Variants in ADGRA3 observed in about 807,000 individuals in gnomAD.
ADGRA3 encodes the protein G-protein coupled receptor 125.
Under a neutral mutation model 119.8 loss-of-function variants are expected in ADGRA3, and 56 were observed. That is an observed-to-expected ratio of 0.47 (90% CI 0.38 to 0.58). ADGRA3 has a LOEUF of 0.58. ADGRA3 is among the 20% of genes least tolerant of loss of function. The pLI, the probability that ADGRA3 is intolerant of heterozygous loss-of-function variation, is 0.00. For missense variants in ADGRA3, 1,516 were observed against 1,649.0 expected, an observed-to-expected ratio of 0.92 and a Z score of 1.40; for synonymous variants, 607 against 623.8, an observed-to-expected ratio of 0.97 and a Z score of 0.40.
At chr4:22,464,803 G>GC (rs1354909838) in intron 2 of ADGRA3, among the ~76,000 whole-genome samples, 1 of 152,214 alleles carries the variant, frequency 6.6e-6, no homozygotes, top group Non-Finnish European at 1.5e-5. Flanking sequence ...CTGGCTCCCA[G>GC]CAGTCCCCAG....
chr4:22,500,507 C>T (rs113908526), intron 1 of ADGRA3, among the ~76,000 whole-genome samples: 17 of 116,844 alleles, frequency 1.5e-4, no homozygotes, highest in African/African-American at 4.2e-4. Context: ...CAACACGGTT[C>T]TGAAAGTCAA....
At chr4:22,515,449 T>C (rs1719617252) in intron 1 of ADGRA3, 79 bp downstream of exon 1, 2 of 1,522,164 alleles carry the variant, frequency 1.3e-6, no homozygotes, top group Non-Finnish European at 1.8e-6. Flanking sequence ...GGGTGCCGGC[T>C]GGACCCTGCT....
chr4:22,438,035 A>G (rs1170504998), intron 8 of ADGRA3, among the ~76,000 whole-genome samples: 1 of 152,188 alleles, frequency 6.6e-6, no homozygotes, highest in Non-Finnish European at 1.5e-5. Flanking sequence ...AAATGACTCT[A>G]CTTTCAGAGA....
chr4:22,461,701 A>C lies in ADGRA3; in HGVS notation c.401+36T>G, dbSNP rs181256708. 8 of 1,384,768 alleles carry C rather than the reference A, an allele frequency of 5.8e-6. No homozygotes were observed. The African/African-American group carries it at 7.2e-5, about 13-fold the overall frequency. The allele number at this position is 1,384,768 out of a possible 1,614,324, so 85.8% of individuals were successfully genotyped here. A position where few individuals can be genotyped will look rare whatever the true frequency, so the allele number is the denominator to read the frequency against. On this transcript the variant is annotated intron_variant, in intron 3 of 18. Coordinates refer to ENST00000334304, the MANE Select transcript of ADGRA3 (RefSeq NM_145290.4). ...GTTGACAGCTATTTATATAAGCAACAATTCAAACTCGTAAGCAAGCAATTC... is the reference window on the plus strand; with the variant it reads ...GTTGACAGCTATTTATATAAGCAACCATTCAAACTCGTAAGCAAGCAATTC...
At position 22,513,845 on chromosome 4, in the gene ADGRA3, C is replaced by CAAAAAAAAAAAAAAAAAA. The variant is rs59015584; in HGVS notation, c.257+1665_257+1682dup. 2.2e-4 allele frequency among the ~76,000 whole-genome samples: 7 copies of CAAAAAAAAAAAAAAAAAA among 31,488 alleles called. 1 individual carries two copies. Among genetic ancestry groups the CAAAAAAAAAAAAAAAAAA allele is most frequent in the African/African-American group, 5.9e-4 (6 of 10,140 alleles). 20.7% of individuals were successfully genotyped at this position (31,488 alleles called of 152,430 possible). A position where few individuals can be genotyped will look rare whatever the true frequency, so the allele number is the denominator to read the frequency against. On this transcript the variant is annotated intron_variant, in intron 1 of 18. Transcript: ENST00000334304. ...TATTTTCATCTAAAAAGCTTTCAGGCAAAAAAAAAAAAAAAAAAAAAAAAA... is the reference window on the plus strand; with the variant it reads ...TATTTTCATCTAAAAAGCTTTCAGGCAAAAAAAAAAAAAAAAAAAAAAAAAAAAAAAAAAAAAAAAAAA...
chr4:22,412,846 G>A (rs950346865), intron 14 of ADGRA3, among the ~76,000 whole-genome samples: 20 of 152,064 alleles, frequency 1.3e-4, no homozygotes, highest in East Asian at 1.9e-4. Context: ...TGTATCCTTC[G>A]GCAAATGAAA....
At chr4:22,422,489 C>T (rs1715746168) in intron 11 of ADGRA3, among the ~76,000 whole-genome samples, 1 of 152,052 alleles carries the variant, frequency 6.6e-6, no homozygotes, top group South Asian at 2.1e-4. Context: ...AATGTGTATT[C>T]TAATTTTTTG....
chr4:22,503,479 G>T (rs564367646), intron 1 of ADGRA3, among the ~76,000 whole-genome samples: 1 of 152,296 alleles, frequency 6.6e-6, no homozygotes, highest in South Asian at 2.1e-4. Flanking sequence ...CTATGTTAAA[G>T]AACCTGCATT....
At chr4:22,470,452 T>G (rs1398776707) in intron 2 of ADGRA3, among the ~76,000 whole-genome samples, 1 of 152,138 alleles carries the variant, frequency 6.6e-6, no homozygotes, top group African/African-American at 2.4e-5. Flanking sequence ...GAGCCAGCTC[T>G]TACTATCTCA....
chr4:22,397,026 C>A (rs1714384723), intron 16 of ADGRA3, among the ~76,000 whole-genome samples: 1 of 152,098 alleles, frequency 6.6e-6, no homozygotes, highest in Admixed American at 6.5e-5. Context: ...CTAATAGAGT[C>A]AAAATGGCTC....
rs1327485331 is a variant in ADGRA3, at chr4:22,402,816, A to G, written c.2233-17T>C. The G allele has an allele frequency of 1.3e-5, 21 of 1,605,122 alleles. No homozygotes were observed. Among genetic ancestry groups the G allele is most frequent in the Non-Finnish European group, 1.6e-5 (19 of 1,177,320 alleles). On this transcript the variant is annotated splice_polypyrimidine_tract_variant and intron_variant, in intron 14 of 18. Transcript: ENST00000334304. ...CGTCAAATCCTGAGGGCAAAAAGAA[A>G]GATCCATTCTAGCAGTACTTCTCTC...
At chr4:22,480,528 C>CA (rs972289013) in intron 1 of ADGRA3, among the ~76,000 whole-genome samples, 23 of 151,380 alleles carry the variant, frequency 1.5e-4, no homozygotes, top group Middle Eastern at 3.4e-3. Context: ...ACAAACAAAA[C>CA]AAAAAAAATC....
intron 1 of ADGRA3, chr4:22,477,768 TAC>T (rs1397377440): frequency 2.6e-5 from 4 of 152,322 alleles, no homozygotes; most frequent in African/African-American, 9.6e-5. Flanking sequence ...ACCTTAAAAA[TAC>T]AGTTTACAAC....
intron 1 of ADGRA3, among the ~76,000 whole-genome samples, chr4:22,510,409 T>A (rs1163221240): frequency 6.6e-6 from 1 of 152,108 alleles, no homozygotes; most frequent in Non-Finnish European, 1.5e-5. Flanking sequence ...AAACTTCTCT[T>A]AGCTTCCAGG....
intron 1 of ADGRA3, among the ~76,000 whole-genome samples, chr4:22,480,415 C>G (rs564410752): frequency 2.6e-5 from 4 of 152,134 alleles, no homozygotes; most frequent in Admixed American, 6.5e-5. Flanking sequence ...GCTTAACTCC[C>G]GTAGTCCCAG....
intron 2 of ADGRA3, 70 bp from the exon 3 acceptor site, chr4:22,461,878 C>A: frequency 1.1e-6 from 1 of 940,134 alleles, no homozygotes; most frequent in South Asian, 1.6e-5. Flanking sequence ...AATACACTTA[C>A]CTGCTATACA....
At chr4:22,421,489 C>A (rs1715677444) in intron 11 of ADGRA3, among the ~76,000 whole-genome samples, 1 of 152,022 alleles carries the variant, frequency 6.6e-6, no homozygotes, top group Admixed American at 6.6e-5. Flanking sequence ...AGAATGAGAG[C>A]TAAATATTAG....
At chr4:22,446,177 A>T (rs1172207359) in intron 5 of ADGRA3, among the ~76,000 whole-genome samples, 1 of 152,208 alleles carries the variant, frequency 6.6e-6, no homozygotes, top group East Asian at 1.9e-4. Flanking sequence ...TAAGGAAAAA[A>T]GAAAAAGGAT....
At chr4:22,401,590 C>A in intron 15 of ADGRA3, 36 bp from the exon 16 acceptor site, 2 of 1,531,604 alleles carry the variant, frequency 1.3e-6, no homozygotes, top group Non-Finnish European at 1.8e-6. Context: ...AATATTCAGG[C>A]TAGTACATAA....
Sources: allele counts gnomAD v4.1 joint callset (sites outside exome capture counted in the v4.1 genomes callset), GRCh38; gene constraint gnomAD v4.1.1; transcripts MANE v1.5; gene names NCBI Gene and HGNC (gene_info 2026-07-23, HGNC 2026-07-21).